SHC2: variants seen among roughly 807,000 people sequenced by gnomAD.
The protein encoded by SHC2 is SHC adaptor protein 2.
SHC2 carries 62 observed loss-of-function variants against 60.6 expected under a neutral mutation model. The observed-to-expected ratio is 1.02, with a 90% CI of 0.83 to 1.26. The LOEUF (loss-of-function observed/expected upper bound fraction) is 1.26. SHC2 is among the 50% of genes most tolerant of loss of function. SHC2 has a pLI of 0.00. For synonymous variants in SHC2, 375 were observed against 372.4 expected (o/e 1.01, Z -0.08); for missense variants, 873 against 822.2 (o/e 1.06, Z -0.76).
rs28517775 is a variant in SHC2, at chr19:426,538, A to G, written c.1175-1307T>C. ...CGGGGAGGGAGGACGACACCGAGAGAGGCAGAGTCCGGGGAGGGAGGACGA... is the reference window on the plus strand; with the variant it reads ...CGGGGAGGGAGGACGACACCGAGAGGGGCAGAGTCCGGGGAGGGAGGACGA... On this transcript the variant is annotated intron_variant, in intron 9 of 12. Coordinates refer to ENST00000264554, the MANE Select transcript of SHC2 (RefSeq NM_012435.3). Among the ~76,000 whole-genome samples, 276 of 53,132 alleles carry G rather than the reference A, an allele frequency of 5.2e-3. 13 individuals are homozygous for G. In the East Asian group the frequency reaches 0.063, roughly 12 times the overall value. The allele number at this position is 53,132 out of a possible 152,430, so 34.9% of individuals were successfully genotyped here. A position where few individuals can be genotyped will look rare whatever the true frequency, so the allele number is the denominator to read the frequency against.
chr19:456,652 T>C (rs1051935622), intron 1 of SHC2, among the ~76,000 whole-genome samples: 1 of 147,234 alleles, frequency 6.8e-6, no homozygotes, highest in Non-Finnish European at 1.5e-5. Flanking sequence ...CTCCTTGCCG[T>C]GACGCACACG....
In SHC2 at chr19:458,325, AGCGG is replaced by A. The variant is rs1469377351; in HGVS notation, c.468+2200_468+2203del. On this transcript the variant is annotated intron_variant, in intron 1 of 12. Coordinates refer to ENST00000264554, the MANE Select transcript of SHC2 (RefSeq NM_012435.3). ...CGGAAGCGGGTCTTGGGGAGGCGGAAGCGGGTTCCGGGGAGACAGAAGCGGGTTC... is the reference window on the plus strand; with the variant it reads ...CGGAAGCGGGTCTTGGGGAGGCGGAAGTTCCGGGGAGACAGAAGCGGGTTC... Among the ~76,000 whole-genome samples the A allele has an allele frequency of 3.8e-3, 451 of 117,252 alleles. 20 individuals are homozygous for A. The highest frequency in any genetic ancestry group is 0.023 in the East Asian group (72 of 3,126). 76.9% of individuals were successfully genotyped at this position (117,252 alleles called of 152,430 possible). A position where few individuals can be genotyped will look rare whatever the true frequency, so the allele number is the denominator to read the frequency against.
At position 460,593 on chromosome 19, in the gene SHC2, G is replaced by A; in HGVS notation, c.404C>T (p.Pro135Leu). 7.1e-7 allele frequency: 1 copy of A among 1,406,752 alleles called. No homozygotes were observed. Among genetic ancestry groups the A allele is most frequent in the Non-Finnish European group, 9.3e-7 (1 of 1,072,938 alleles). The allele number at this position is 1,406,752 out of a possible 1,614,324, so 87.1% of individuals were successfully genotyped here. A position where few individuals can be genotyped will look rare whatever the true frequency, so the allele number is the denominator to read the frequency against. ...WIRKGSFIHKPAHGWLHPDAR... is the reference protein window; with the variant it reads ...WIRKGSFIHKLAHGWLHPDAR... The stretch of plus-strand genomic sequence containing the variant: ...GTCGGGGTGTAGCCAGCCGTGCGCG[G>A]GTTTGTGGATGAAGCTGCCCTTCCG... The change falls in exon 1 of 13, where the codon CCC becomes CTC. Residue 135 changes from proline to leucine, a missense_variant. Pro to Leu is a moderately conservative substitution (Grantham distance 98, BLOSUM62 -3). Transcript: ENST00000264554.
chr19:420,700 A>T (rs1015472637), intron 11 of SHC2, among the ~76,000 whole-genome samples: 3 of 152,240 alleles, frequency 2.0e-5, no homozygotes, highest in African/African-American at 7.2e-5. Flanking sequence ...TGGTTTTTAA[A>T]CAAAATCCAG....
At chr19:448,203 C>T (rs758472175) in intron 1 of SHC2, among the ~76,000 whole-genome samples, 2 of 152,242 alleles carry the variant, frequency 1.3e-5, no homozygotes, top group Non-Finnish European at 2.9e-5. Flanking sequence ...AGAAAAGTCA[C>T]CTTCACCAAG....
chr19:440,861 C>G lies in SHC2; in HGVS notation c.539+1G>C. On this transcript the variant is annotated splice_donor_variant, in intron 2 of 12. Transcript: ENST00000264554. LOFTEE classifies it high-confidence loss of function. This position sits in a 1 kb window ranked among gnomAD's most constrained non-coding sequence, Gnocchi z 7.0. ...CGGCCAGGGCAGGGTTGGAGGCTCA[C>G]CTGGTCACCTGCGTGCGCGTGTTAA... 6.2e-7 allele frequency: 1 copy of G among 1,612,554 alleles called. No individual in the cohort carries two copies. Among genetic ancestry groups the G allele is most frequent in the Non-Finnish European group, 8.5e-7 (1 of 1,179,600 alleles).
intron 1 of SHC2, among the ~76,000 whole-genome samples, chr19:456,711 C>A (rs942060467): frequency 7.9e-5 from 12 of 152,210 alleles, no homozygotes; most frequent in African/African-American, 2.9e-4. Context: ...TGTGCCCCCC[C>A]TAGAACTCTG....
intron 9 of SHC2, among the ~76,000 whole-genome samples, chr19:426,462 C>T (rs1600278809): frequency 9.8e-6 from 1 of 101,574 alleles, no homozygotes; most frequent in Admixed American, 9.9e-5. Context: ...AGGACGACAC[C>T]GAGAGAGGCA....
At chr19:418,056 A>G (rs73916973) in intron 12 of SHC2, among the ~76,000 whole-genome samples, 22,468 of 150,014 alleles carry the variant, frequency 0.15, 1,967 homozygotes, top group African/African-American at 0.24. Context: ...ACCTCACCCC[A>G]GAGGAGAGAC....
rs1239515804 is a variant in SHC2, at chr19:445,436, G to A, written c.469-4504C>T. ...TGGCCCTCCCAGCCTCCAGAACCGTGAGAAATAAATTTCTAGGCCTGGCAC... is the reference window on the plus strand; with the variant it reads ...TGGCCCTCCCAGCCTCCAGAACCGTAAGAAATAAATTTCTAGGCCTGGCAC... On this transcript the variant is annotated intron_variant, in intron 1 of 12. Coordinates refer to ENST00000264554, the MANE Select transcript of SHC2 (RefSeq NM_012435.3). This position sits in a 1 kb window ranked among gnomAD's most constrained non-coding sequence, Gnocchi z 4.4. Among the ~76,000 whole-genome samples, 4 of 152,204 alleles carry A rather than the reference G, an allele frequency of 2.6e-5. No homozygotes were observed. The highest frequency in any genetic ancestry group is 2.1e-4 in the South Asian group (1 of 4,832).
intron 11 of SHC2, among the ~76,000 whole-genome samples, chr19:421,790 G>A (rs1044757116): frequency 6.6e-6 from 1 of 152,104 alleles, no homozygotes; most frequent in African/African-American, 2.4e-5. Flanking sequence ...CACACCTGTA[G>A]TCCCAGCTAC....
chr19:429,864 G>A (rs899195807), intron 9 of SHC2, among the ~76,000 whole-genome samples: 3 of 148,050 alleles, frequency 2.0e-5, no homozygotes, highest in Non-Finnish European at 3.0e-5. Context: ...ACCTAACACC[G>A]TGTGGATGAC....
In SHC2 at chr19:425,003, G is replaced by A. The variant is rs1396674279; in HGVS notation, c.1309+94C>T. ...GAAGGGAGCCTCCCCCATCAGACCA[G>A]GGAATCCCGTAGGGAGTGGGGGTGG... On this transcript the variant is annotated intron_variant, in intron 10 of 12. Transcript: ENST00000264554. This position sits in a 1 kb window ranked among gnomAD's most constrained non-coding sequence, Gnocchi z 4.1. 7.9e-7 allele frequency: 1 copy of A among 1,267,552 alleles called. No homozygotes were observed. The highest frequency in any genetic ancestry group is 1.0e-6 in the Non-Finnish European group (1 of 977,378). 78.5% of individuals were successfully genotyped at this position (1,267,552 alleles called of 1,614,324 possible).
At chr19:431,369 G>A (rs1422701842) in intron 8 of SHC2, among the ~76,000 whole-genome samples, 1 of 136,994 alleles carries the variant, frequency 7.3e-6, no homozygotes, top group East Asian at 2.0e-4. Context: ...AGAGATAGAG[G>A]AGGCCAGGCA....
chr19:447,190 C>T (rs147541001), intron 1 of SHC2, among the ~76,000 whole-genome samples: 18 of 152,192 alleles, frequency 1.2e-4, no homozygotes, highest in African/African-American at 3.9e-4. Context: ...ACGGACGCAC[C>T]GTGAGGACGC....
rs955102524 is a variant in SHC2, at chr19:424,952, C to T, written c.1309+145G>A. ...ACAGACTGGGCTTCCCCGTCCCACC[C>T]GTCGACTTGAAGGATCTCACGGGGA... On this transcript the variant is annotated intron_variant, in intron 10 of 12. Transcript: ENST00000264554. The surrounding 1 kb of genome is among the most constrained non-coding windows in gnomAD (Gnocchi z 4.5). 4.6e-5 allele frequency: 41 copies of T among 896,134 alleles called. No individual in the cohort carries two copies. The East Asian group carries it at 8.2e-4, about 18-fold the overall frequency. The allele number at this position is 896,134 out of a possible 1,614,324, so 55.5% of individuals were successfully genotyped here. A position where few individuals can be genotyped will look rare whatever the true frequency, so the allele number is the denominator to read the frequency against.
rs538233497 is a variant in SHC2, at chr19:447,267, A to G, written c.469-6335T>C. Reference sequence around the variant, plus strand: ...AAGTGGCCAAGACAGGCCGATCCACAGAGGCAGGAAGGGGACGCGTGGGCG... The same window carrying G: ...AAGTGGCCAAGACAGGCCGATCCACGGAGGCAGGAAGGGGACGCGTGGGCG... On this transcript the variant is annotated intron_variant, in intron 1 of 12. Transcript: ENST00000264554. Among the ~76,000 whole-genome samples, 3 of 141,190 alleles carry G rather than the reference A, an allele frequency of 2.1e-5. No homozygotes were observed. The South Asian group carries it at 7.3e-4, about 34-fold the overall frequency. The allele number at this position is 141,190 out of a possible 152,430, so 92.6% of individuals were successfully genotyped here.
chr19:417,565 G>A (rs1044929262), intron 12 of SHC2, among the ~76,000 whole-genome samples: 4 of 152,228 alleles, frequency 2.6e-5, no homozygotes, highest in South Asian at 2.1e-4. Context: ...CAAGAATGCC[G>A]ATCCCAGTGC....
chr19:459,192 G>A (rs1214064839), intron 1 of SHC2, among the ~76,000 whole-genome samples: 1 of 141,154 alleles, frequency 7.1e-6, no homozygotes, highest in East Asian at 1.9e-4. Flanking sequence ...GGTGTAGGGG[G>A]AAGGACCCCA....
Sources: allele counts gnomAD v4.1 joint callset (sites outside exome capture counted in the v4.1 genomes callset), GRCh38; gene constraint gnomAD v4.1.1; non-coding constraint Gnocchi (gnomAD v3.1); transcripts MANE v1.5; gene names NCBI Gene and HGNC (gene_info 2026-07-23, HGNC 2026-07-21).